FBP1: variants seen among roughly 807,000 people sequenced by gnomAD.
FBP1 encodes fructose-1,6-bisphosphatase 1.
In FBP1, 22 loss-of-function variants were observed where a neutral mutation model predicts 29.9. The ratio of observed to expected loss-of-function variants is 0.74; its 90% CI spans 0.53 to 1.05. The LOEUF (loss-of-function observed/expected upper bound fraction) is 1.05. FBP1 is among the 50% of genes least tolerant of loss of function. FBP1 has a pLI of 0.00. For missense variants in FBP1, 345 were observed against 448.2 expected (o/e 0.77, Z 2.08); for synonymous variants, 175 against 178.6 (o/e 0.98, Z 0.16).
intron 1 of FBP1, among the ~76,000 whole-genome samples, chr9:94,634,937 A>G (rs190476943): frequency 1.5e-3 from 233 of 152,172 alleles, no homozygotes; most frequent in Non-Finnish European, 1.9e-3. Flanking sequence ...AAAAATACAA[A>G]AATTAGCCAG....
At chr9:94,606,420 A>G (rs1266509117) in intron 5 of FBP1, among the ~76,000 whole-genome samples, 1 of 152,098 alleles carries the variant, frequency 6.6e-6, no homozygotes, top group Admixed American at 6.5e-5. Flanking sequence ...GGGACCATGG[A>G]CCCCAGAAGG....
intron 2 of FBP1, among the ~76,000 whole-genome samples, chr9:94,619,342 C>T (rs1207474635): frequency 1.3e-5 from 2 of 152,152 alleles, no homozygotes; most frequent in African/African-American, 4.8e-5. Flanking sequence ...CCTAATTCTA[C>T]TCCTTCATGT....
At chr9:94,624,482 A>G (rs1380487367) in intron 1 of FBP1, among the ~76,000 whole-genome samples, 4 of 152,032 alleles carry the variant, frequency 2.6e-5, no homozygotes, top group African/African-American at 9.7e-5. Context: ...GTGAAGTCCT[A>G]TCTCTACTAA....
At chr9:94,625,570 C>A (rs560893862) in intron 1 of FBP1, among the ~76,000 whole-genome samples, 1 of 152,100 alleles carries the variant, frequency 6.6e-6, no homozygotes, top group African/African-American at 2.4e-5. Context: ...CCGAGGCGAG[C>A]GGATCACGAG....
At chr9:94,616,996 G>C (rs1827874114) in intron 3 of FBP1, among the ~76,000 whole-genome samples, 3 of 152,034 alleles carry the variant, frequency 2.0e-5, no homozygotes, top group Admixed American at 2.0e-4. Flanking sequence ...CCCGAGTCAG[G>C]TGTTAGGAGA....
chr9:94,637,397 G>A (rs1472797349), intron 1 of FBP1, among the ~76,000 whole-genome samples: 3 of 130,532 alleles, frequency 2.3e-5, no homozygotes, highest in Admixed American at 8.0e-5. Context: ...AGCATCATGC[G>A]TCTTTTTTTT....
Position 94,639,230 on chromosome 9 carries a change from G to A in FBP1, c.81C>T (p.Gly27=), listed in dbSNP as rs767460321. The change falls in exon 1 of 7, where the codon GGC becomes GGT. Residue 27 remains glycine (G), a synonymous_variant. Transcript: ENST00000375326. ...FVMEEGRKAR[G]TGELTQLLNS... ...TGAGCAGCTGGGTCAACTCGCCCGT[G>A]CCGCGGGCCTTCCTGCCCTCCTCCA... The A allele has an allele frequency of 6.2e-7, 1 of 1,601,630 alleles. No individual in the cohort carries two copies. Among genetic ancestry groups the A allele is most frequent in the Non-Finnish European group, 8.5e-7 (1 of 1,174,378 alleles).
chr9:94,620,042 G>A (rs2131489148), intron 2 of FBP1, among the ~76,000 whole-genome samples: 1 of 152,276 alleles, frequency 6.6e-6, no homozygotes, highest in Admixed American at 6.5e-5. Context: ...ACCAACAGAA[G>A]CCAGGGTTTG....
intron 3 of FBP1, among the ~76,000 whole-genome samples, chr9:94,614,518 C>A (rs148660114): frequency 7.9e-5 from 12 of 152,166 alleles, no homozygotes; most frequent in African/African-American, 2.9e-4. Context: ...CCAGCCTGGG[C>A]GACAGAGAGA....
upstream of FBP1, chr9:94,640,196 C>T (rs1347271883): frequency 1.3e-5 from 2 of 152,224 alleles, no homozygotes; most frequent in Non-Finnish European, 2.9e-5. Flanking sequence ...TCGGCTACCA[C>T]ACAAAGGCCA....
intron 1 of FBP1, 100 bp downstream of exon 1, chr9:94,639,041 G>A (rs1051733752): frequency 2.1e-5 from 25 of 1,176,060 alleles, no homozygotes; most frequent in Non-Finnish European, 2.9e-5. Context: ...GACAGACAGA[G>A]GCTGACGGCA....
In FBP1 at chr9:94,610,129, T is replaced by G. The variant is rs556650838; in HGVS notation, c.427-68A>C. The G allele has an allele frequency of 3.0e-5, 46 of 1,511,728 alleles. No homozygotes were observed. The African/African-American group carries it at 5.8e-4, about 19-fold the overall frequency. 93.6% of individuals were successfully genotyped at this position (1,511,728 alleles called of 1,614,324 possible). On this transcript the variant is annotated intron_variant, in intron 3 of 6. Transcript: ENST00000375326. ...GTGATTCTTTTTTACAGTTCAACCA[T>G]TAACAGGAGGCATTCTCAAGGTGCT...
chr9:94,613,530 CG>C (rs1563981575), intron 3 of FBP1, among the ~76,000 whole-genome samples: 8 of 151,616 alleles, frequency 5.3e-5, no homozygotes, highest in African/African-American at 1.5e-4. Flanking sequence ...TTTGGGAGGT[CG>C]AGGCGGGAGG....
chr9:94,622,100 C>A (rs1827958108), intron 1 of FBP1, among the ~76,000 whole-genome samples: 1 of 152,160 alleles, frequency 6.6e-6, no homozygotes, highest in Non-Finnish European at 1.5e-5. Flanking sequence ...ATGGAAGTTG[C>A]AGGGATCCTG....
intron 3 of FBP1, among the ~76,000 whole-genome samples, chr9:94,613,023 A>G (rs1827808339): frequency 6.6e-6 from 1 of 152,176 alleles, no homozygotes. Flanking sequence ...CACTGGCTCC[A>G]TGTCATCACA....
At chr9:94,631,959 C>T (rs150657099) in intron 1 of FBP1, among the ~76,000 whole-genome samples, 16 of 152,142 alleles carry the variant, frequency 1.1e-4, no homozygotes, top group African/African-American at 3.6e-4. Context: ...CAGGATGGAA[C>T]GTGGCTGTCT....
At chr9:94,608,188 A>G (rs1827729537) in intron 4 of FBP1, among the ~76,000 whole-genome samples, 1 of 152,202 alleles carries the variant, frequency 6.6e-6, no homozygotes, top group Non-Finnish European at 1.5e-5. Flanking sequence ...ACCCGAGTAC[A>G]GCTGTAGCAG....
chr9:94,635,011 C>T (rs1216888930), intron 1 of FBP1, among the ~76,000 whole-genome samples: 2 of 147,532 alleles, frequency 1.4e-5, no homozygotes, highest in East Asian at 4.1e-4. Flanking sequence ...ATCACTTGAA[C>T]CCGGGAGGCA....
intron 3 of FBP1, among the ~76,000 whole-genome samples, chr9:94,614,910 T>TAA (rs1458274050): frequency 3.9e-5 from 6 of 152,008 alleles, no homozygotes; most frequent in African/African-American, 1.4e-4. Context: ...ATTAATTAAT[T>TAA]TATTTATTTA....
Sources: allele counts gnomAD v4.1 joint callset (sites outside exome capture counted in the v4.1 genomes callset), GRCh38; gene constraint gnomAD v4.1.1; transcripts MANE v1.5; gene names NCBI Gene and HGNC (gene_info 2026-07-23, HGNC 2026-07-21).